Variants in ACAP1 observed in about 807,000 individuals in gnomAD.
The protein encoded by ACAP1 is arf-GAP with coiled-coil, ANK repeat and PH domain-containing protein 1.
Under a neutral mutation model 98.8 loss-of-function variants are expected in ACAP1, and 45 were observed. The ratio of observed to expected loss-of-function variants is 0.46; its 90% CI spans 0.36 to 0.58. The LOEUF is 0.58. Ranked by LOEUF, ACAP1 falls within the 20% of genes least tolerant of loss-of-function variation. The probability of loss-of-function intolerance (pLI) is 0.00; values close to 1 mark genes in which losing one functional copy is unlikely to be tolerated. For missense variants in ACAP1, 735 were observed against 971.4 expected (o/e 0.76, Z 3.24); for synonymous variants, 362 against 375.3 (o/e 0.96, Z 0.41).
chr17:7,342,187 C>G (rs62059223), intron 3 of ACAP1, 88 bp from the exon 4 acceptor site: 149,644 of 1,606,546 alleles, frequency 0.093, 7,704 homozygotes, highest in Non-Finnish European at 0.1. Context: ...GGGCTGCTGT[C>G]CATGACAGCC....
chr17:7,337,157 A>C (rs932911263), intron 1 of ACAP1, 155 bp from the exon 2 acceptor site: 1 of 736,142 alleles, frequency 1.4e-6, no homozygotes, highest in African/African-American at 1.8e-5. Context: ...CCCAGACTGC[A>C]GAGCGGGCAG....
At chr17:7,346,320 C>T (rs1243701825) in intron 11 of ACAP1, 25 bp downstream of exon 11, 1 of 1,614,030 alleles carries the variant, frequency 6.2e-7, no homozygotes, top group Non-Finnish European at 8.5e-7. Context: ...GTCCTGGATG[C>T]CTGGGCCCCA....
chr17:7,337,238 G>A lies in ACAP1; in HGVS notation c.54-74G>A, dbSNP rs1013470730. 154 of 1,441,742 alleles carry A rather than the reference G, an allele frequency of 1.1e-4. 1 individual carries two copies. The Middle Eastern group carries it at 1.6e-3, about 15-fold the overall frequency. 89.3% of individuals were successfully genotyped at this position (1,441,742 alleles called of 1,614,324 possible). On this transcript the variant is annotated intron_variant, in intron 1 of 21. Coordinates refer to ENST00000158762, the MANE Select transcript of ACAP1 (RefSeq NM_014716.4). Reference sequence around the variant, plus strand: ...TTCTCCTCCGTACCCACCGCCCTGCGACTCCATCCCGCCTGATGAGGCAGA... The same window carrying A: ...TTCTCCTCCGTACCCACCGCCCTGCAACTCCATCCCGCCTGATGAGGCAGA...
rs1350217422 is a variant in ACAP1, at chr17:7,346,878, G to T, written c.1078G>T (p.Ala360Ser). Residue 360 changes from alanine to serine, a missense_variant, in exon 13 of 22, where the codon GCT becomes TCT. Transcript: ENST00000158762. ...GGTCAGTGCTGTGCAGAGCAGCATT[G>T]CTTCTGCCTTCAGTCAGGCTCGCCT... ...LWVSAVQSSIASAFSQARLDD... is the reference protein window; with the variant it reads ...LWVSAVQSSISSAFSQARLDD... The T allele has an allele frequency of 1.9e-6, 3 of 1,613,314 alleles. No homozygotes were observed. Among genetic ancestry groups the T allele is most frequent in the Admixed American group, 1.7e-5 (1 of 60,002 alleles).
intron 2 of ACAP1, among the ~76,000 whole-genome samples, chr17:7,339,028 C>T (rs567561604): frequency 3.9e-5 from 6 of 151,966 alleles, no homozygotes; most frequent in South Asian, 2.1e-4. Flanking sequence ...TGGTGGCTCA[C>T]GCCTGTAATC....
rs769102537 is a variant in ACAP1, at chr17:7,349,935, C to G, written c.1852-10C>G. On this transcript the variant is annotated splice_polypyrimidine_tract_variant and intron_variant, in intron 18 of 21. Coordinates refer to ENST00000158762, the MANE Select transcript of ACAP1 (RefSeq NM_014716.4). ...CACCCTCAACCCCCCTTCTCGACTT[C>G]TCCATGCAGAATTCTCTTCTGGCCT... 3 of 1,594,066 alleles carry G rather than the reference C, an allele frequency of 1.9e-6. No homozygotes were observed. The highest frequency in any genetic ancestry group is 2.2e-5 in the South Asian group (2 of 89,608).
intron 10 of ACAP1, chr17:7,345,992 A>G (rs1035465339): frequency 2.1e-6 from 1 of 477,392 alleles, no homozygotes; most frequent in East Asian, 3.7e-5. Context: ...TTTATTAGAA[A>G]AAGAATTTTA....
Position 7,343,404 on chromosome 17 carries a change from C to T in ACAP1, c.370C>T (p.Arg124Cys), listed in dbSNP as rs749950314. 15 of 1,613,268 alleles carry T rather than the reference C, an allele frequency of 9.3e-6. No homozygotes were observed. Among genetic ancestry groups the T allele is most frequent in the Admixed American group, 1.7e-5 (1 of 59,890 alleles). Residue 124 changes from arginine to cysteine, a missense_variant, in exon 6 of 22, where the codon CGC (arginine) becomes TGC (cysteine). Around this residue, in one of 5 missense-constraint regions of ACAP1, gnomAD observed 430 missense variants for 531.8 expected, o/e 0.81. Transcript: ENST00000158762. The surrounding 1 kb of genome is among the most constrained non-coding windows in gnomAD (Gnocchi z 4.9). Reference sequence around the variant, plus strand: ...AGGTCTGCGGGGTTTCCGAGAGGCTCGCCGGGATTTCTGGCGGGGGGCTGA... The same window carrying T: ...AGGTCTGCGGGGTTTCCGAGAGGCTTGCCGGGATTTCTGGCGGGGGGCTGA... ...KEGLRGFREA[R>C]RDFWRGAESL...
Position 7,346,426 on chromosome 17 carries a change from C to T in ACAP1, c.942C>T (p.Leu314=), listed in dbSNP as rs1486199663. The part of the protein sequence containing the change: ...PVTVVVDDLR[L]CTVKLCPDSE... Reference sequence around the variant, plus strand: ...CTGTGGTGGTGGATGACCTTCGTCTCTGCACAGTGAAACTCTGCCCTGACT... The same window carrying T: ...CTGTGGTGGTGGATGACCTTCGTCTTTGCACAGTGAAACTCTGCCCTGACT... The change falls in exon 12 of 22, where the codon CTC becomes CTT. Residue 314 remains leucine (L), a synonymous_variant. Coordinates refer to ENST00000158762, the MANE Select transcript of ACAP1 (RefSeq NM_014716.4). 1 of 1,613,932 alleles carries T rather than the reference C, an allele frequency of 6.2e-7. No homozygotes were observed. The highest frequency in any genetic ancestry group is 1.1e-5 in the South Asian group (1 of 91,054).
In ACAP1 at chr17:7,342,172, G is replaced by C. The variant is rs151083024; in HGVS notation, c.232-103G>C. Reference sequence around the variant, plus strand: ...GGTCTGCAGGTTCCAGGCCACAGCAGGGCTGGGCTGCTGTCCATGACAGCC... The same window carrying C: ...GGTCTGCAGGTTCCAGGCCACAGCACGGCTGGGCTGCTGTCCATGACAGCC... On this transcript the variant is annotated intron_variant, in intron 3 of 21. Coordinates refer to ENST00000158762, the MANE Select transcript of ACAP1 (RefSeq NM_014716.4). 3.5e-4 allele frequency: 559 copies of C among 1,609,338 alleles called. No homozygotes were observed. The African/African-American group carries it at 6.6e-3, about 19-fold the overall frequency.
chr17:7,350,424 G>C lies in ACAP1; in HGVS notation c.2072+187G>C, dbSNP rs1239403546. ...CGCGAAGTGTGCACTGGGACGTGGA[G>C]TAGAAGGCAGGCGGGAGGGCGGGCA... On this transcript the variant is annotated intron_variant, in intron 20 of 21. Transcript: ENST00000158762. The surrounding 1 kb of genome is among the most constrained non-coding windows in gnomAD (Gnocchi z 4.6). 1 of 492,940 alleles carries C rather than the reference G, an allele frequency of 2.0e-6. No individual in the cohort carries two copies. Among genetic ancestry groups the C allele is most frequent in the Non-Finnish European group, 3.7e-6 (1 of 272,024 alleles). 30.5% of individuals were successfully genotyped at this position (492,940 alleles called of 1,614,324 possible).
chr17:7,347,836 C>T (rs1429573164), intron 14 of ACAP1, 86 bp from the exon 15 acceptor site: 7 of 1,189,548 alleles, frequency 5.9e-6, no homozygotes, highest in Non-Finnish European at 6.2e-6. Flanking sequence ...GCCAGCCTTG[C>T]CTCCCAGTGT....
rs574292695 is a variant in ACAP1 at position 7,349,654 on chromosome 17, C to A, written c.1852-291C>A. The A allele has an allele frequency of 5.2e-4, 190 of 362,606 alleles. 1 individual carries two copies. The highest frequency in any genetic ancestry group is 3.4e-3 in the African/African-American group (163 of 48,300). 22.5% of individuals were successfully genotyped at this position (362,606 alleles called of 1,614,324 possible). ...CCTCCCAAAGTGCTGGGATTACTGG[C>A]GTGAGCCACTGTGCCCGGCCTACAG... is the stretch of plus-strand genomic sequence containing the variant. On this transcript the variant is annotated intron_variant, in intron 18 of 21. Transcript: ENST00000158762.
intron 10 of ACAP1, among the ~76,000 whole-genome samples, chr17:7,345,147 T>C (rs1346795370): frequency 6.6e-6 from 1 of 151,912 alleles, no homozygotes; most frequent in Non-Finnish European, 1.5e-5. Context: ...TGTAGGGATT[T>C]GGGGTCTACT....
chr17:7,342,521 T>C (rs1220308440), intron 5 of ACAP1, 47 bp downstream of exon 5: 2 of 1,594,526 alleles, frequency 1.3e-6, no homozygotes, highest in Non-Finnish European at 1.7e-6. Context: ...ATCCCAACAC[T>C]TTGGAAGGCC....
At position 7,349,050 on chromosome 17, in the gene ACAP1, G is replaced by A. The variant is rs143881811; in HGVS notation, c.1734G>A (p.Ala578=). The A allele has an allele frequency of 2.6e-4, 423 of 1,613,940 alleles. No individual in the cohort carries two copies. The African/African-American group carries it at 3.9e-3, about 15-fold the overall frequency. The part of the protein sequence containing the change: ...SLHPGALLFR[A]SGHPPSLPTM... Reference sequence around the variant, plus strand: ...ACCCTGGGGCCCTACTGTTTCGAGCGTCTGGGCATCCTCCATCTCTTCCCA... The same window carrying A: ...ACCCTGGGGCCCTACTGTTTCGAGCATCTGGGCATCCTCCATCTCTTCCCA... Residue 578 remains alanine (A), a synonymous_variant, in exon 18 of 22, where the codon GCG becomes GCA. Transcript: ENST00000158762.
chr17:7,342,212 C>T (rs1427616692), intron 3 of ACAP1, 63 bp from the exon 4 acceptor site: 1 of 1,608,936 alleles, frequency 6.2e-7, no homozygotes, highest in East Asian at 2.2e-5. Flanking sequence ...CAGGCTGGGT[C>T]TCGAGTCGGG....
chr17:7,349,983 G>T lies in ACAP1; in HGVS notation c.1890G>T (p.Gly630=). The change falls in exon 19 of 22, where the codon GGG becomes GGT. Residue 630 remains glycine, a synonymous_variant. Transcript: ENST00000158762. ...CCTGTGAGTTTCTCCTCCAGAACGGGGCGAACGTGAACCAAGCGGACAGTG... is the reference window on the plus strand; with the variant it reads ...CCTGTGAGTTTCTCCTCCAGAACGGTGCGAACGTGAACCAAGCGGACAGTG... ...LLACEFLLQN[G]ANVNQADSAG... 2 of 1,613,230 alleles carry T rather than the reference G, an allele frequency of 1.2e-6. No individual in the cohort carries two copies. The highest frequency in any genetic ancestry group is 8.5e-7 in the Non-Finnish European group (1 of 1,179,380).
chr17:7,339,634 G>A (rs934015267), intron 2 of ACAP1, among the ~76,000 whole-genome samples: 24 of 152,184 alleles, frequency 1.6e-4, no homozygotes, highest in African/African-American at 4.8e-4. Context: ...CGGCGTGGGC[G>A]ACAGACCAAG....
Sources: allele counts gnomAD v4.1 joint callset (sites outside exome capture counted in the v4.1 genomes callset), GRCh38; gene constraint gnomAD v4.1.1; regional missense constraint gnomAD v4.1.1; non-coding constraint Gnocchi (gnomAD v3.1); transcripts MANE v1.5; gene names NCBI Gene and HGNC (gene_info 2026-07-23, HGNC 2026-07-21).